The following MAPKAPK5 variants were observed in gnomAD, a reference collection of about 807,000 sequenced individuals.
The protein encoded by MAPKAPK5 is MAP kinase-activated protein kinase 5.
MAPKAPK5 carries 30 observed loss-of-function variants against 65.1 expected under a neutral mutation model. The ratio of observed to expected loss-of-function variants is 0.46; its 90% CI spans 0.34 to 0.63. The LOEUF is 0.63. MAPKAPK5 is among the 20% of genes least tolerant of loss of function. The probability of loss-of-function intolerance (pLI) is 0.01; values close to 1 mark genes in which losing one functional copy is unlikely to be tolerated. For synonymous variants in MAPKAPK5, 179 were observed against 204.6 expected (o/e 0.87, Z 1.07); for missense variants, 433 against 581.4 (o/e 0.74, Z 2.63).
chr12:111,849,727 T>C (rs2069012460), intron 1 of MAPKAPK5, among the ~76,000 whole-genome samples: 2 of 152,114 alleles, frequency 1.3e-5, no homozygotes. Context: ...TCTTTTTCTT[T>C]TATTTTGTTA....
intron 5 of MAPKAPK5, among the ~76,000 whole-genome samples, chr12:111,869,304 A>C (rs2069706276): frequency 6.6e-6 from 1 of 152,230 alleles, no homozygotes; most frequent in Non-Finnish European, 1.5e-5. Context: ...TGATTTCTTC[A>C]GATTTAATAA....
At chr12:111,887,310 T>C (rs1337222178) in intron 10 of MAPKAPK5, among the ~76,000 whole-genome samples, 1 of 152,190 alleles carries the variant, frequency 6.6e-6, no homozygotes, top group African/African-American at 2.4e-5. Context: ...GGTTTGGTCA[T>C]TCAAAAATCC....
rs2070152807 is a variant in MAPKAPK5 at position 111,880,342 on chromosome 12, T to A, written c.580-105T>A. The A allele has an allele frequency of 5.5e-6, 5 of 902,684 alleles. No homozygotes were observed. In the South Asian group the frequency reaches 6.8e-5, roughly 12 times the overall value. The allele number at this position is 902,684 out of a possible 1,614,324, so 55.9% of individuals were successfully genotyped here. On this transcript the variant is annotated intron_variant, in intron 7 of 13. Transcript: ENST00000550735. Reference sequence around the variant, plus strand: ...TGTGGAGTTTTTTTTCGATGGCTGATTGCCAGTTGTTTACCTCCTTCAGTC... The same window carrying A: ...TGTGGAGTTTTTTTTCGATGGCTGAATGCCAGTTGTTTACCTCCTTCAGTC...
chr12:111,851,148 T>A (rs996435986), intron 1 of MAPKAPK5, among the ~76,000 whole-genome samples: 1 of 152,188 alleles, frequency 6.6e-6, no homozygotes, highest in African/African-American at 2.4e-5. Context: ...TCCGCCTGCC[T>A]CGGCCTCCCA....
At chr12:111,879,054 G>A (rs780113731) in intron 7 of MAPKAPK5, among the ~76,000 whole-genome samples, 9 of 152,240 alleles carry the variant, frequency 5.9e-5, no homozygotes, top group Middle Eastern at 3.4e-3. Flanking sequence ...CTATAAAAAA[G>A]CCTACTGGGA....
In MAPKAPK5 at chr12:111,885,838, T is replaced by C; in HGVS notation, c.849-78T>C. ...GAAGTCAGAAGTAACCAGAACTGTT[T>C]AGAGCCAGGTCCAGGAACTTCCTAT... On this transcript the variant is annotated intron_variant, in intron 9 of 13. Coordinates refer to ENST00000550735, the MANE Select transcript of MAPKAPK5 (RefSeq NM_003668.4). 1.9e-6 allele frequency: 3 copies of C among 1,593,010 alleles called. No individual in the cohort carries two copies. The East Asian group carries it at 6.7e-5, about 36-fold the overall frequency.
chr12:111,884,539 T>G (rs2070341376), intron 9 of MAPKAPK5, among the ~76,000 whole-genome samples: 1 of 152,206 alleles, frequency 6.6e-6, no homozygotes, highest in South Asian at 2.1e-4. Flanking sequence ...ATGGGAAGAT[T>G]TAGTCAGAAT....
At chr12:111,872,217 G>A (rs552206258) in intron 7 of MAPKAPK5, among the ~76,000 whole-genome samples, 5 of 152,180 alleles carry the variant, frequency 3.3e-5, no homozygotes, top group Admixed American at 1.3e-4. Context: ...CATTTTATGC[G>A]TCTACCAGCA....
At chr12:111,868,470 G>GA (rs1161091446) in intron 4 of MAPKAPK5, among the ~76,000 whole-genome samples, 2 of 151,924 alleles carry the variant, frequency 1.3e-5, no homozygotes, top group African/African-American at 2.4e-5. Context: ...AAACAAATGG[G>GA]AAAAAAACGC....
chr12:111,856,250 T>C (rs983974787), intron 1 of MAPKAPK5, among the ~76,000 whole-genome samples: 1 of 152,176 alleles, frequency 6.6e-6, no homozygotes, highest in African/African-American at 2.4e-5. Flanking sequence ...TTCATATAAT[T>C]TATTTTCAAT....
intron 1 of MAPKAPK5, chr12:111,843,212 G>A (rs1593106989): frequency 2.5e-6 from 1 of 398,602 alleles, no homozygotes; most frequent in Non-Finnish European, 4.4e-6. Context: ...GTTGGAAAAA[G>A]GTGGTTCGCC....
At chr12:111,861,337 T>C (rs956233286) in intron 1 of MAPKAPK5, among the ~76,000 whole-genome samples, 5 of 151,464 alleles carry the variant, frequency 3.3e-5, no homozygotes, top group Non-Finnish European at 5.9e-5. Context: ...GTTGTTGTTT[T>C]GTTTGTTTTT....
intron 10 of MAPKAPK5, among the ~76,000 whole-genome samples, chr12:111,887,120 C>T (rs911364925): frequency 4.6e-5 from 7 of 152,082 alleles, no homozygotes; most frequent in Admixed American, 4.6e-4. Context: ...CATAGTGTGG[C>T]TGTGAGCTCA....
In MAPKAPK5 at chr12:111,888,599, C is replaced by G; in HGVS notation, c.1081C>G (p.Arg361Gly). The change falls in exon 11 of 14, where the codon CGG becomes GGG. Residue 361 changes from arginine to glycine, a missense_variant. By Grantham distance (125) the Arg-to-Gly change is moderately radical. Around this residue, in one of 3 missense-constraint regions of MAPKAPK5, gnomAD observed 169 missense variants for 215.6 expected, o/e 0.78. Transcript: ENST00000550735. Reference protein sequence around the residue: ...PLHSVNNPILRKRKLLGTKPK... With the variant: ...PLHSVNNPILGKRKLLGTKPK... The stretch of plus-strand genomic sequence containing the variant: ...GCACTCAGTGAACAACCCCATTCTG[C>G]GGAAGAGGAAGTTACTTGGGTAACT... 2 of 1,613,166 alleles carry G rather than the reference C, an allele frequency of 1.2e-6. No homozygotes were observed. Among genetic ancestry groups the G allele is most frequent in the Non-Finnish European group, 1.7e-6 (2 of 1,179,728 alleles).
chr12:111,848,507 G>T lies in MAPKAPK5; in HGVS notation c.36+5738G>T, dbSNP rs550762470. Among the ~76,000 whole-genome samples, 3 of 149,598 alleles carry T rather than the reference G, an allele frequency of 2.0e-5. No homozygotes were observed. In the East Asian group the frequency reaches 5.9e-4, roughly 29 times the overall value. ...CGGCTCACTGCAACCACCGTCTCCC[G>T]GGTTCAAGTGATTCTCCCGTCTCAG... On this transcript the variant is annotated intron_variant, in intron 1 of 13. Coordinates refer to ENST00000550735, the MANE Select transcript of MAPKAPK5 (RefSeq NM_003668.4).
At chr12:111,864,670 A>G (rs1260628517) in intron 1 of MAPKAPK5, among the ~76,000 whole-genome samples, 1 of 152,200 alleles carries the variant, frequency 6.6e-6, no homozygotes, top group Non-Finnish European at 1.5e-5. Context: ...TTATATCAGA[A>G]ATATACTTAC....
chr12:111,867,665 C>G lies in MAPKAPK5; in HGVS notation c.280C>G (p.Pro94Ala), dbSNP rs755471766. The change falls in exon 4 of 14, where the codon CCT becomes GCT. Residue 94 changes from proline to alanine, a missense_variant. By Grantham distance (27) the Pro-to-Ala change is conservative. This residue lies in a region of MAPKAPK5 where 165 missense variants were observed against 180.0 expected (regional missense o/e 0.92). Transcript: ENST00000550735. ...NSVQFPHESS[P>A]RARLLIVMEM... is the part of the protein sequence containing the mutation. ...TGTCCAGTTTCCCCATGAGTCCAGC[C>G]CTAGGTAAGACTACACAGTGTCATC... is the stretch of plus-strand genomic sequence containing the variant. 6.2e-6 allele frequency: 10 copies of G among 1,611,940 alleles called. No homozygotes were observed. The African/African-American group carries it at 1.1e-4, about 17-fold the overall frequency.
rs187268483 is a variant in MAPKAPK5, at chr12:111,855,632, G to A, written c.37-9618G>A. Among the ~76,000 whole-genome samples, 842 of 152,080 alleles carry A rather than the reference G, an allele frequency of 5.5e-3. 6 individuals carry two copies. The highest frequency in any genetic ancestry group is 8.7e-3 in the Non-Finnish European group (593 of 68,002). On this transcript the variant is annotated intron_variant, in intron 1 of 13. Transcript: ENST00000550735. ...TCACGAGGTCAGGAGTTCGAGACCA[G>A]CCTGGCCAATATGGTGAACCCCCAT... is the stretch of plus-strand genomic sequence containing the variant.
intron 13 of MAPKAPK5, among the ~76,000 whole-genome samples, chr12:111,890,602 TCTA>T (rs1202514229): frequency 6.6e-6 from 1 of 152,142 alleles, no homozygotes; most frequent in Non-Finnish European, 1.5e-5. Context: ...GTTTGCCAAA[TCTA>T]CTGCTGGTTA....
Sources: gnomAD v4.1 joint callset for allele counts (sites outside exome capture counted in the v4.1 genomes callset) on GRCh38, gnomAD v4.1.1 for gene constraint, gnomAD v4.1.1 regional missense constraint, MANE v1.5 for transcripts, NCBI Gene and HGNC (gene_info 2026-07-23, HGNC 2026-07-21) for gene names.